OPA1: variants seen among roughly 807,000 people sequenced by gnomAD.
The protein encoded by OPA1 is OPA1 mitochondrial dynamin like GTPase.
OPA1 carries 59 observed loss-of-function variants against 152.9 expected under a neutral mutation model. That is an observed-to-expected ratio of 0.39 (90% CI 0.31 to 0.48). OPA1 has a LOEUF of 0.48. Ranked by LOEUF, OPA1 falls within the 20% of genes least tolerant of loss-of-function variation. The probability of loss-of-function intolerance (pLI) is 0.96; values close to 1 mark genes in which losing one functional copy is unlikely to be tolerated. For missense variants in OPA1, 1,008 were observed against 1,216.8 expected (o/e 0.83, Z 2.55); for synonymous variants, 400 against 389.9 (o/e 1.03, Z -0.31).
intron 29 of OPA1, among the ~76,000 whole-genome samples, chr3:193,690,630 A>G (rs7638928): frequency 0.43 from 64,701 of 152,038 alleles, 14,054 homozygotes; most frequent in Non-Finnish European, 0.44. Context: ...TAAAAAGGAC[A>G]ATTCTTCATT....
Position 193,665,272 on chromosome 3 carries a change from A to ATAAAG in OPA1, c.2778+279_2778+280insAGTAA, listed in dbSNP as rs60242040. ...TATAAATAGTAAAAAAAATAAATAA[A>ATAAAG]TAACAGGAAATAGTCCCTTATTCCC... is the stretch of plus-strand genomic sequence containing the variant. On this transcript the variant is annotated intron_variant, in intron 27 of 30. Coordinates refer to ENST00000361510, the MANE Select transcript of OPA1 (RefSeq NM_130837.3). Among the ~76,000 whole-genome samples the ATAAAG allele has an allele frequency of 0.52, 78,041 of 151,302 alleles. 20,756 individuals carry two copies. Among genetic ancestry groups the ATAAAG allele is most frequent in the African/African-American group, 0.64 (26,257 of 41,248 alleles).
At chr3:193,642,923 T>C in intron 12 of OPA1, 52 bp from the exon 13 acceptor site, 6 of 1,577,324 alleles carry the variant, frequency 3.8e-6, no homozygotes, top group Non-Finnish European at 5.2e-6. Context: ...TAAAGAATAT[T>C]TGTGAATTAA....
chr3:193,688,616 A>T (rs907806671), intron 29 of OPA1, among the ~76,000 whole-genome samples: 1 of 151,706 alleles, frequency 6.6e-6, no homozygotes, highest in Non-Finnish European at 1.5e-5. Context: ...GGTAATACTT[A>T]AAAAAGACCA....
At chr3:193,643,299 A>AT in intron 13 of OPA1, 74 bp from the exon 14 acceptor site, 1 of 1,243,046 alleles carries the variant, frequency 8.0e-7, no homozygotes, top group African/African-American at 1.5e-5. Context: ...TTTAGAATAC[A>AT]TTTCACCAAA....
intron 25 of OPA1, 80 bp downstream of exon 25, chr3:193,659,641 G>A: frequency 9.4e-7 from 1 of 1,061,078 alleles, no homozygotes; most frequent in Non-Finnish European, 1.4e-6. Flanking sequence ...TAACCTTTTT[G>A]TGGCTCTAGA....
At chr3:193,608,902 A>G (rs1434336616) in intron 1 of OPA1, among the ~76,000 whole-genome samples, 4 of 152,036 alleles carry the variant, frequency 2.6e-5, no homozygotes, top group African/African-American at 7.2e-5. Flanking sequence ...TTGGTTGCAT[A>G]TATATTTAGG....
At chr3:193,657,032 T>C in intron 22 of OPA1, 48 bp from the exon 23 acceptor site, 5 of 1,497,900 alleles carry the variant, frequency 3.3e-6, no homozygotes, top group Middle Eastern at 1.8e-4. Flanking sequence ...TGTTAACCAT[T>C]GAAGTATGTA....
Position 193,654,894 on chromosome 3 carries a change from G to A in OPA1, c.2045G>A (p.Arg682Lys), listed in dbSNP as rs772040791. Residue 682 changes from arginine to lysine, a missense_variant, in exon 22 of 31, where the codon AGA (arginine) becomes AAA (lysine). Physicochemically the swap from Arg to Lys is conservative, Grantham distance 26. Transcript: ENST00000361510. The part of the protein sequence containing the change: ...EEILQQSLWE[R>K]VSTHVIENIY... The stretch of plus-strand genomic sequence containing the variant: ...ATCCTTCAACAATCTTTGTGGGAAA[G>A]AGTATCAACTCATGTGATTGAAAAC... 2.7e-5 allele frequency: 43 copies of A among 1,613,792 alleles called. No homozygotes were observed. Among genetic ancestry groups the A allele is most frequent in the Non-Finnish European group, 3.5e-5 (41 of 1,179,938 alleles).
intron 30 of OPA1, among the ~76,000 whole-genome samples, chr3:193,694,277 C>A (rs1722048978): frequency 6.6e-6 from 1 of 152,148 alleles, no homozygotes; most frequent in Admixed American, 6.5e-5. Context: ...TTACCAAGGA[C>A]CCTAAGGAAT....
At chr3:193,672,399 A>G (rs1718125100) in intron 29 of OPA1, among the ~76,000 whole-genome samples, 3 of 152,146 alleles carry the variant, frequency 2.0e-5, no homozygotes, top group Admixed American at 1.3e-4. Context: ...TTTTTCTGTG[A>G]ACATTGTATC....
At chr3:193,689,654 G>A (rs886544487) in intron 29 of OPA1, among the ~76,000 whole-genome samples, 1 of 152,096 alleles carries the variant, frequency 6.6e-6, no homozygotes, top group Non-Finnish European at 1.5e-5. Flanking sequence ...TGAGGCTGCT[G>A]TACCACCTCC....
At chr3:193,648,736 T>TC in intron 20 of OPA1, 59 bp from the exon 21 acceptor site, 1 of 1,200,594 alleles carries the variant, frequency 8.3e-7, no homozygotes, top group Non-Finnish European at 1.2e-6. Flanking sequence ...CTGAAAATCA[T>TC]GACAGGGTAA....
chr3:193,682,108 C>T (rs1401078337), intron 29 of OPA1, among the ~76,000 whole-genome samples: 1 of 152,202 alleles, frequency 6.6e-6, no homozygotes, highest in African/African-American at 2.4e-5. Flanking sequence ...AGTGTTATTC[C>T]AGTGAACACA....
rs549093085 is a variant in OPA1 at position 193,667,548 on chromosome 3, A to G, written c.2983+268A>G. 1.3e-4 allele frequency: 52 copies of G among 397,938 alleles called. 2 individuals carry two copies. Among genetic ancestry groups the G allele is most frequent in the South Asian group, 3.4e-4 (17 of 49,934 alleles). The allele number at this position is 397,938 out of a possible 1,614,324, so 24.7% of individuals were successfully genotyped here. ...TAGCCAGGTGTGGTGGTGGGTGCCT[A>G]TAGTCCCAGCTACTTGGGAGGCTGA... is the stretch of plus-strand genomic sequence containing the variant. On this transcript the variant is annotated intron_variant, in intron 29 of 30. Coordinates refer to ENST00000361510, the MANE Select transcript of OPA1 (RefSeq NM_130837.3).
chr3:193,629,362 C>G (rs202064338), intron 7 of OPA1, among the ~76,000 whole-genome samples: 1 of 152,142 alleles, frequency 6.6e-6, no homozygotes, highest in East Asian at 1.9e-4. Context: ...TTATAAACAT[C>G]TTAACACTTG....
intron 29 of OPA1, among the ~76,000 whole-genome samples, chr3:193,670,133 A>C (rs1205664634): frequency 2.0e-5 from 3 of 152,164 alleles, no homozygotes; most frequent in African/African-American, 7.2e-5. Context: ...TGGATACTTC[A>C]GCCAGAAAAC....
intron 1 of OPA1, among the ~76,000 whole-genome samples, chr3:193,604,520 C>G (rs1726927854): frequency 6.6e-6 from 1 of 152,154 alleles, no homozygotes; most frequent in South Asian, 2.1e-4. Flanking sequence ...AGGGAAATCC[C>G]TTCAGCAGCC....
chr3:193,595,242 G>C (rs1725310835), intron 1 of OPA1, among the ~76,000 whole-genome samples: 1 of 152,340 alleles, frequency 6.6e-6, no homozygotes, highest in African/African-American at 2.4e-5. Context: ...CCTAACAGAT[G>C]AGAGCATAAG....
chr3:193,665,091 C>A (rs1370463009), intron 27 of OPA1, 95 bp downstream of exon 27: 1 of 721,692 alleles, frequency 1.4e-6, no homozygotes, highest in East Asian at 2.6e-5. Flanking sequence ...ATTTTAAGTC[C>A]TTTGATCATC....
Sources: allele counts gnomAD v4.1 joint callset (sites outside exome capture counted in the v4.1 genomes callset), GRCh38; gene constraint gnomAD v4.1.1; transcripts MANE v1.5; gene names NCBI Gene and HGNC (gene_info 2026-07-23, HGNC 2026-07-21).